SFXN5: variants seen among roughly 807,000 people sequenced by gnomAD.
SFXN5 encodes sideroflexin-5.
In SFXN5, 43 loss-of-function variants were observed where a neutral mutation model predicts 50.2. The ratio of observed to expected loss-of-function variants is 0.86; its 90% CI spans 0.67 to 1.11. The LOEUF (loss-of-function observed/expected upper bound fraction) is 1.11. Among genes scored for constraint, SFXN5 ranks in the 50% least tolerant of loss-of-function variants. The probability of loss-of-function intolerance (pLI) is 0.00; values close to 1 mark genes in which losing one functional copy is unlikely to be tolerated. For missense variants in SFXN5, 463 were observed against 454.1 expected (o/e 1.02, Z -0.18); for synonymous variants, 203 against 185.8 (o/e 1.09, Z -0.75).
rs1407404792 is a variant in SFXN5, at chr2:72,968,561, A to T, written c.742-28T>A. 3 of 1,609,760 alleles carry T rather than the reference A, an allele frequency of 1.9e-6. No individual in the cohort carries two copies. The Admixed American group carries it at 5.0e-5, about 27-fold the overall frequency. On this transcript the variant is annotated intron_variant, in intron 11 of 13. Coordinates refer to ENST00000272433, the MANE Select transcript of SFXN5 (RefSeq NM_144579.3). ...GAGGGGCAGGCAGAAGCTGTGTGAG[A>T]GGGGCCTGACAGCTGGTGACAGGAC...
chr2:73,020,438 C>T (rs547210002), intron 5 of SFXN5, among the ~76,000 whole-genome samples, 174 bp from the exon 6 acceptor site: 14 of 152,252 alleles, frequency 9.2e-5, no homozygotes, highest in African/African-American at 1.4e-4. Context: ...CAGCCCTCAC[C>T]GGGGCTGTGT....
chr2:72,979,873 C>T (rs1453742471), intron 10 of SFXN5, among the ~76,000 whole-genome samples: 2 of 152,106 alleles, frequency 1.3e-5, no homozygotes, highest in Non-Finnish European at 2.9e-5. Context: ...GATTCATATA[C>T]TTTTAGATGT....
intron 2 of SFXN5, chr2:73,058,235 A>T (rs1445652834): frequency 2.2e-5 from 6 of 270,028 alleles, no homozygotes; most frequent in African/African-American, 1.3e-4. Context: ...CTTGATAATA[A>T]TTTCTTGAAA....
intron 9 of SFXN5, among the ~76,000 whole-genome samples, chr2:72,991,094 C>T (rs1672542425): frequency 6.6e-6 from 1 of 152,176 alleles, no homozygotes; most frequent in Non-Finnish European, 1.5e-5. Context: ...CCATGACAGC[C>T]TCTTGGGGGT....
At chr2:72,949,781 T>C (rs552957062) in intron 13 of SFXN5, among the ~76,000 whole-genome samples, 17 of 152,024 alleles carry the variant, frequency 1.1e-4, no homozygotes, top group African/African-American at 3.9e-4. Flanking sequence ...TTTCTGAAGA[T>C]GAAATCCACA....
intron 2 of SFXN5, among the ~76,000 whole-genome samples, chr2:73,056,092 C>T (rs899908163): frequency 5.9e-5 from 9 of 152,150 alleles, no homozygotes; most frequent in African/African-American, 4.8e-5. Flanking sequence ...GAGCTGAGAA[C>T]ATGCCACTGC....
intron 9 of SFXN5, among the ~76,000 whole-genome samples, chr2:72,996,089 T>C (rs1673192375): frequency 6.6e-6 from 1 of 152,040 alleles, no homozygotes; most frequent in African/African-American, 2.4e-5. Flanking sequence ...TGTAATCCAG[T>C]GGGGATGAGG....
intron 2 of SFXN5, chr2:73,049,604 A>C (rs1356226255): frequency 6.6e-6 from 1 of 152,162 alleles, no homozygotes; most frequent in Non-Finnish European, 1.5e-5. Flanking sequence ...AGGGACCCTC[A>C]TGGCCTAATT....
At chr2:73,040,981 G>A (rs371468864) in intron 2 of SFXN5, 50 bp from the exon 3 acceptor site, 32 of 1,546,218 alleles carry the variant, frequency 2.1e-5, no homozygotes, top group African/African-American at 8.2e-5. Flanking sequence ...CAGGGCTCCC[G>A]CAAATTTTTC....
At position 73,059,641 on chromosome 2, in the gene SFXN5, ACCTC is replaced by A. The variant is rs1203119909; in HGVS notation, c.103-1049_103-1046del. On this transcript the variant is annotated intron_variant, in intron 1 of 13. Coordinates refer to ENST00000272433, the MANE Select transcript of SFXN5 (RefSeq NM_144579.3). ...CACCATGGCACCCCTGCATGAAGCA[ACCTC>A]TAACCCCTAATGCCACCCCTACCCA... 7.1e-5 allele frequency: 62 copies of A among 878,598 alleles called. 2 individuals are homozygous for A. In the East Asian group the frequency reaches 8.9e-4, roughly 13 times the overall value. 54.4% of individuals were successfully genotyped at this position (878,598 alleles called of 1,614,324 possible). A position where few individuals can be genotyped will look rare whatever the true frequency, so the allele number is the denominator to read the frequency against.
At chr2:73,027,291 GA>G (rs1677698687) in intron 3 of SFXN5, among the ~76,000 whole-genome samples, 1 of 152,144 alleles carries the variant, frequency 6.6e-6, no homozygotes, top group African/African-American at 2.4e-5. Context: ...AAAACGTTTA[GA>G]AAGTTTTTTA....
intron 7 of SFXN5, 28 bp downstream of exon 7, chr2:73,001,497 G>A (rs1414241724): frequency 6.2e-7 from 1 of 1,613,742 alleles, no homozygotes; most frequent in South Asian, 1.1e-5. Flanking sequence ...CCTTCCTTCA[G>A]GAGCCCTGTT....
chr2:73,046,926 G>A lies in SFXN5; in HGVS notation c.172-5995C>T, dbSNP rs76301305. On this transcript the variant is annotated intron_variant, in intron 2 of 13. Coordinates refer to ENST00000272433, the MANE Select transcript of SFXN5 (RefSeq NM_144579.3). Reference sequence around the variant, plus strand: ...GACATCTCACTTGCTGCTATTGGGAGTATAAATATAAAATCTTGGGCCGGG... The same window carrying A: ...GACATCTCACTTGCTGCTATTGGGAATATAAATATAAAATCTTGGGCCGGG... Among the ~76,000 whole-genome samples, 264 of 150,640 alleles carry A rather than the reference G, an allele frequency of 1.8e-3. 5 individuals carry two copies. In the East Asian group the frequency reaches 0.039, roughly 22 times the overall value.
intron 3 of SFXN5, among the ~76,000 whole-genome samples, chr2:73,024,194 T>C (rs1270988195): frequency 6.6e-6 from 1 of 152,064 alleles, no homozygotes; most frequent in African/African-American, 2.4e-5. Flanking sequence ...CAGCTAATTT[T>C]TGTATTTTTA....
chr2:73,005,072 C>T (rs867621262), intron 6 of SFXN5, among the ~76,000 whole-genome samples: 1 of 152,108 alleles, frequency 6.6e-6, no homozygotes, highest in East Asian at 1.9e-4. Context: ...AAGAGGGAAA[C>T]GATTCAGGCG....
intron 3 of SFXN5, among the ~76,000 whole-genome samples, chr2:73,038,101 G>A (rs1237141891): frequency 6.6e-6 from 1 of 152,202 alleles, no homozygotes; most frequent in African/African-American, 2.4e-5. Flanking sequence ...AAACAGCATA[G>A]AGCATCCTTA....
chr2:73,061,133 T>A (rs1026121500), intron 1 of SFXN5, among the ~76,000 whole-genome samples: 1 of 151,666 alleles, frequency 6.6e-6, no homozygotes, highest in East Asian at 2.0e-4. Context: ...CTGGCCAACA[T>A]GGTGAAACCC....
intron 6 of SFXN5, chr2:73,019,452 C>T (rs1676569961): frequency 7.0e-6 from 1 of 143,600 alleles, no homozygotes. Context: ...TTTTTGAGAC[C>T]GAGTCTCGCT....
intron 12 of SFXN5, among the ~76,000 whole-genome samples, chr2:72,962,784 A>G (rs544898210): frequency 5.3e-4 from 80 of 152,160 alleles, no homozygotes; most frequent in Non-Finnish European, 8.1e-4. Context: ...CTGGTAGCCC[A>G]CCTGTCTTCC....
Sources: allele counts gnomAD v4.1 joint callset (sites outside exome capture counted in the v4.1 genomes callset), GRCh38; gene constraint gnomAD v4.1.1; transcripts MANE v1.5; gene names NCBI Gene and HGNC (gene_info 2026-07-23, HGNC 2026-07-21).